WHRN: variants seen among roughly 807,000 people sequenced by gnomAD.
The protein encoded by WHRN is whirlin, also known as CASK-interacting protein CIP98.
A neutral mutation model predicts 68.3 loss-of-function variants in WHRN; 41 were observed. That is an observed-to-expected ratio of 0.60 (90% CI 0.47 to 0.78). WHRN has a LOEUF of 0.78. Among genes scored for constraint, WHRN ranks in the 30% least tolerant of loss-of-function variants. The probability of loss-of-function intolerance (pLI) is 0.00; values close to 1 mark genes in which losing one functional copy is unlikely to be tolerated. For missense variants in WHRN, 1,243 were observed against 1,244.7 expected (o/e 1.00, Z 0.02); for synonymous variants, 560 against 561.3 (o/e 1.00, Z 0.03).
At chr9:114,455,847 T>C (rs1839743217) in intron 3 of WHRN, among the ~76,000 whole-genome samples, 1 of 152,046 alleles carries the variant, frequency 6.6e-6, no homozygotes, top group Non-Finnish European at 1.5e-5. Context: ...AAATCAAAAA[T>C]GCATTTAATA....
chr9:114,486,950 T>TAGA (rs1842562517), intron 1 of WHRN, among the ~76,000 whole-genome samples: 1 of 100,670 alleles, frequency 9.9e-6, no homozygotes, highest in African/African-American at 7.2e-5. Flanking sequence ...GTTGTGTGTG[T>TAGA]GTGTGTGTGT....
At chr9:114,423,251 C>G in intron 7 of WHRN, 63 bp downstream of exon 7, 1 of 1,567,884 alleles carries the variant, frequency 6.4e-7, no homozygotes, top group Non-Finnish European at 8.8e-7. Context: ...TGGTCTCACT[C>G]CAAAGCCAGC....
chr9:114,416,795 C>T (rs187346997), intron 7 of WHRN, among the ~76,000 whole-genome samples: 86 of 152,358 alleles, frequency 5.6e-4, no homozygotes, highest in African/African-American at 1.9e-3. Flanking sequence ...TCCACACCTG[C>T]ATATCCACTC....
At chr9:114,460,913 T>C (rs1213169188) in intron 3 of WHRN, among the ~76,000 whole-genome samples, 5 of 152,224 alleles carry the variant, frequency 3.3e-5, no homozygotes, top group Non-Finnish European at 5.9e-5. Flanking sequence ...CTAATTCCAC[T>C]GAAAGTGCAT....
At chr9:114,442,203 T>C (rs1449250286) in intron 3 of WHRN, among the ~76,000 whole-genome samples, 1 of 152,208 alleles carries the variant, frequency 6.6e-6, no homozygotes, top group Admixed American at 6.5e-5. Context: ...CACGTGATCC[T>C]GGGTTGGCTC....
At position 114,425,896 on chromosome 9, in the gene WHRN, C is replaced by T. The variant is rs1222900672; in HGVS notation, c.1166+315G>A. ...TCTCCCTCCCTCTCTTTCATCTGCA[C>T]AGATCTGGGATGAGGGCAGGGTTAT... On this transcript the variant is annotated intron_variant, in intron 4 of 11. Transcript: ENST00000362057. 1.5e-4 allele frequency: 63 copies of T among 425,664 alleles called. 2 individuals are homozygous for T. The highest frequency in any genetic ancestry group is 1.3e-3 in the South Asian group (63 of 46,804). The allele number at this position is 425,664 out of a possible 1,614,324, so 26.4% of individuals were successfully genotyped here. A position where few individuals can be genotyped will look rare whatever the true frequency, so the allele number is the denominator to read the frequency against.
chr9:114,432,020 C>T (rs1837467037), intron 3 of WHRN, among the ~76,000 whole-genome samples: 1 of 152,164 alleles, frequency 6.6e-6, no homozygotes, highest in South Asian at 2.1e-4. Context: ...GCTTGCAGGG[C>T]ACTGATGGGG....
chr9:114,452,083 TC>T (rs1439877776), intron 3 of WHRN, among the ~76,000 whole-genome samples: 1 of 152,228 alleles, frequency 6.6e-6, no homozygotes, highest in Non-Finnish European at 1.5e-5. Flanking sequence ...ATGACTTATT[TC>T]TGTTACTACT....
At chr9:114,467,600 T>C (rs1328436479) in intron 2 of WHRN, among the ~76,000 whole-genome samples, 4 of 150,662 alleles carry the variant, frequency 2.7e-5, no homozygotes, top group Non-Finnish European at 5.9e-5. Flanking sequence ...CGGGAGGAGG[T>C]GAGTCGCAGT....
At chr9:114,468,433 C>T (rs1840911073) in intron 2 of WHRN, among the ~76,000 whole-genome samples, 1 of 152,208 alleles carries the variant, frequency 6.6e-6, no homozygotes, top group Non-Finnish European at 1.5e-5. Flanking sequence ...TATCTGGGAC[C>T]ACTGCTTGGG....
chr9:114,480,165 G>A (rs954569852), intron 1 of WHRN, among the ~76,000 whole-genome samples: 2 of 152,122 alleles, frequency 1.3e-5, no homozygotes, highest in Non-Finnish European at 2.9e-5. Flanking sequence ...CCAGTCTTCA[G>A]ATGGAACCAC....
chr9:114,478,695 T>G lies in WHRN; in HGVS notation c.695A>C (p.His232Pro), dbSNP rs533374297. Residue 232 changes from histidine to proline, a missense_variant, in exon 2 of 12, where the codon CAC (histidine) becomes CCC (proline). Coordinates refer to ENST00000362057, the MANE Select transcript of WHRN (RefSeq NM_015404.4). ...CTGCGGGTCCACCCAGGTGTAGATG[T>G]GGTTGGTGACGTAGCCCCCAGGGAT... ...GRIPGGYVTN[H>P]IYTWVDPQGR... The G allele has an allele frequency of 1.6e-4, 264 of 1,612,988 alleles. No individual in the cohort carries two copies. The highest frequency in any genetic ancestry group is 2.1e-4 in the Non-Finnish European group (243 of 1,179,980).
intron 9 of WHRN, among the ~76,000 whole-genome samples, chr9:114,405,496 A>T (rs1834963471): frequency 6.6e-6 from 1 of 152,194 alleles, no homozygotes; most frequent in Admixed American, 6.5e-5. Flanking sequence ...AGGCCCTTTG[A>T]ACACTGGCAC....
At chr9:114,426,805 C>G (rs1836912350) in intron 3 of WHRN, among the ~76,000 whole-genome samples, 1 of 152,344 alleles carries the variant, frequency 6.6e-6, no homozygotes, top group Middle Eastern at 3.4e-3. Context: ...TACACTTGTA[C>G]TTTGTTGAGG....
At chr9:114,487,272 C>T (rs1410767541) in intron 1 of WHRN, among the ~76,000 whole-genome samples, 1 of 151,108 alleles carries the variant, frequency 6.6e-6, no homozygotes, top group Non-Finnish European at 1.5e-5. Flanking sequence ...AGTCTCAACC[C>T]ACCACCCATG....
intron 3 of WHRN, among the ~76,000 whole-genome samples, chr9:114,456,230 A>G (rs1406353094): frequency 1.3e-5 from 2 of 152,144 alleles, no homozygotes; most frequent in African/African-American, 4.8e-5. Flanking sequence ...GCATTTGTCA[A>G]ATTCGTAGAA....
rs549537695 is a variant in WHRN at position 114,402,566 on chromosome 9, T to A, written c.*188A>T. 160 of 740,936 alleles carry A rather than the reference T, an allele frequency of 2.2e-4. No individual in the cohort carries two copies. The highest frequency in any genetic ancestry group is 3.2e-4 in the Non-Finnish European group (138 of 436,988). The allele number at this position is 740,936 out of a possible 1,614,324, so 45.9% of individuals were successfully genotyped here. A position where few individuals can be genotyped will look rare whatever the true frequency, so the allele number is the denominator to read the frequency against. On this transcript the variant is annotated 3_prime_UTR_variant, in exon 12 of 12. Transcript: ENST00000362057. The stretch of plus-strand genomic sequence containing the variant: ...TACAGCACCAGTTCCTGACCTGACC[T>A]TCTGTCTGCCTTGTCCTGCTCTCTT...
intron 1 of WHRN, among the ~76,000 whole-genome samples, chr9:114,497,944 G>A (rs182804874): frequency 3.3e-5 from 5 of 152,258 alleles, no homozygotes; most frequent in East Asian, 3.9e-4. Context: ...GAGATGTCAC[G>A]TGAACTGCCC....
At chr9:114,476,624 C>G (rs1589225608) in intron 2 of WHRN, among the ~76,000 whole-genome samples, 1 of 152,142 alleles carries the variant, frequency 6.6e-6, no homozygotes, top group Non-Finnish European at 1.5e-5. Flanking sequence ...TTGTCTCACT[C>G]TTCCCACCAC....
Sources: allele counts gnomAD v4.1 joint callset (sites outside exome capture counted in the v4.1 genomes callset), GRCh38; gene constraint gnomAD v4.1.1; transcripts MANE v1.5; gene names NCBI Gene and HGNC (gene_info 2026-07-23, HGNC 2026-07-21).